Variants in GALNT17 observed in about 807,000 individuals in gnomAD.
GALNT17 encodes the protein UDP-GalNAc:polypeptide N-acetylgalactosaminyltransferase-like 3.
A neutral mutation model predicts 63.7 loss-of-function variants in GALNT17; 29 were observed. That is an observed-to-expected ratio of 0.46 (90% confidence interval 0.34 to 0.62). The LOEUF (loss-of-function observed/expected upper bound fraction) is 0.62, where lower values mean the gene tolerates loss of function less well. Ranked by LOEUF, GALNT17 falls within the 20% of genes least tolerant of loss-of-function variation. GALNT17 has a pLI of 0.01. For missense variants in GALNT17, 603 were observed against 799.6 expected, an observed-to-expected ratio of 0.75 and a Z score of 2.97; for synonymous variants, 305 against 318.3, an observed-to-expected ratio of 0.96 and a Z score of 0.45.
chr7:71,181,253 T>TAAAAAAAAA (rs34436643), intron 1 of GALNT17, among the ~76,000 whole-genome samples: 2 of 135,024 alleles, frequency 1.5e-5, no homozygotes, highest in East Asian at 4.2e-4. Context: ...AGACTCGTCT[T>TAAAAAAAAA]AAAAAAAAAA....
At chr7:71,315,985 G>A (rs1170966940) in intron 1 of GALNT17, among the ~76,000 whole-genome samples, 2 of 152,126 alleles carry the variant, frequency 1.3e-5, no homozygotes, top group Non-Finnish European at 2.9e-5. Flanking sequence ...TACGGTGAGA[G>A]GGCCATATGA....
At chr7:71,701,879 A>ATGTG (rs1418961158) in intron 9 of GALNT17, among the ~76,000 whole-genome samples, 15 of 82,074 alleles carry the variant, frequency 1.8e-4, no homozygotes, top group South Asian at 3.7e-4. Flanking sequence ...ACATATATAT[A>ATGTG]TGTATATATA....
intron 5 of GALNT17, among the ~76,000 whole-genome samples, chr7:71,550,037 A>C (rs1422969961): frequency 6.6e-6 from 1 of 151,870 alleles, no homozygotes; most frequent in Non-Finnish European, 1.5e-5. Flanking sequence ...CAAAATAACT[A>C]CTAGCTCAGA....
At chr7:71,258,299 A>T (rs1375641782) in intron 1 of GALNT17, among the ~76,000 whole-genome samples, 5 of 152,238 alleles carry the variant, frequency 3.3e-5, no homozygotes, top group African/African-American at 1.2e-4. Flanking sequence ...TGCACTCAGT[A>T]TTCCCTAAGT....
chr7:71,544,965 AAATT>A (rs1418345551), intron 5 of GALNT17, among the ~76,000 whole-genome samples: 1 of 152,088 alleles, frequency 6.6e-6, no homozygotes, highest in Non-Finnish European at 1.5e-5. Context: ...CTTTCTTTAC[AAATT>A]ATTTGAATGT....
chr7:71,626,933 C>T (rs556220296), intron 6 of GALNT17, among the ~76,000 whole-genome samples: 9 of 152,262 alleles, frequency 5.9e-5, no homozygotes, highest in African/African-American at 1.4e-4. Flanking sequence ...CAGGACTGGG[C>T]GCCCCAGGAA....
intron 2 of GALNT17, among the ~76,000 whole-genome samples, chr7:71,387,134 G>A (rs887934573): frequency 5.9e-5 from 9 of 151,888 alleles, no homozygotes; most frequent in African/African-American, 2.2e-4. Context: ...TAATCCTGCT[G>A]CGGAAATTTA....
At chr7:71,694,112 CAA>C (rs781153047) in intron 9 of GALNT17, among the ~76,000 whole-genome samples, 5 of 152,038 alleles carry the variant, frequency 3.3e-5, no homozygotes, top group Non-Finnish European at 7.4e-5. Flanking sequence ...TGGTGGCAGA[CAA>C]GAGAAGAGAA....
chr7:71,471,265 A>G (rs116786898), intron 5 of GALNT17, among the ~76,000 whole-genome samples: 1 of 151,840 alleles, frequency 6.6e-6, no homozygotes, highest in African/African-American at 2.4e-5. Flanking sequence ...GTCGTAGAGA[A>G]AGGGTTTCCC....
chr7:71,376,512 A>C (rs1792731029), intron 2 of GALNT17, among the ~76,000 whole-genome samples: 1 of 141,716 alleles, frequency 7.1e-6, no homozygotes, highest in Non-Finnish European at 1.5e-5. Flanking sequence ...TACTGAACTG[A>C]GAATCTGAAG....
intron 6 of GALNT17, among the ~76,000 whole-genome samples, chr7:71,641,676 G>A (rs184413327): frequency 2.1e-4 from 32 of 152,094 alleles, no homozygotes; most frequent in Admixed American, 1.8e-3. Context: ...TCCTGTCACC[G>A]AGAGGGTCAG....
chr7:71,545,325 C>T (rs1283887997), intron 5 of GALNT17, among the ~76,000 whole-genome samples: 1 of 151,902 alleles, frequency 6.6e-6, no homozygotes, highest in Non-Finnish European at 1.5e-5. Context: ...GGTTTTTACT[C>T]GTTTTGTTGT....
chr7:71,231,014 A>G (rs7805734), intron 1 of GALNT17, among the ~76,000 whole-genome samples: 28,838 of 152,016 alleles, frequency 0.19, 6,024 homozygotes, highest in African/African-American at 0.52. Flanking sequence ...AAATTTGAGA[A>G]CCTTAGACTT....
At position 71,521,465 on chromosome 7, in the gene GALNT17, G is replaced by T. The variant is rs542548916; in HGVS notation, c.963-49820G>T. 3.4e-4 allele frequency among the ~76,000 whole-genome samples: 52 copies of T among 152,174 alleles called. 1 individual carries two copies. Among genetic ancestry groups the T allele is most frequent in the Non-Finnish European group, 8.8e-5 (6 of 68,040 alleles). On this transcript the variant is annotated intron_variant, in intron 5 of 10. Coordinates refer to ENST00000333538, the MANE Select transcript of GALNT17 (RefSeq NM_022479.3). ...ATTTGCAGAACCTGCCTGGAGACAC[G>T]TCTTTGTATTAACTATTGCAATTCA...
chr7:71,244,710 A>G (rs966607184), intron 1 of GALNT17, among the ~76,000 whole-genome samples: 2 of 152,150 alleles, frequency 1.3e-5, no homozygotes, highest in African/African-American at 2.4e-5. Context: ...CATGCTTGCA[A>G]CACTGAGGTG....
At chr7:71,702,917 G>A (rs1481278035) in intron 9 of GALNT17, among the ~76,000 whole-genome samples, 1 of 152,160 alleles carries the variant, frequency 6.6e-6, no homozygotes, top group East Asian at 1.9e-4. Flanking sequence ...GGGTGATGGT[G>A]GTTACACAAG....
At chr7:71,301,384 A>G (rs1776318289) in intron 1 of GALNT17, among the ~76,000 whole-genome samples, 1 of 147,484 alleles carries the variant, frequency 6.8e-6, no homozygotes, top group Non-Finnish European at 1.5e-5. Context: ...TATATATAAT[A>G]ATATATAATA....
intron 1 of GALNT17, among the ~76,000 whole-genome samples, chr7:71,229,743 A>T (rs549036527): frequency 6.6e-6 from 1 of 152,190 alleles, no homozygotes; most frequent in Non-Finnish European, 1.5e-5. Context: ...GGCCAGCCCT[A>T]GTCCCATCTG....
chr7:71,260,330 C>G (rs1790363488), intron 1 of GALNT17, among the ~76,000 whole-genome samples: 1 of 152,184 alleles, frequency 6.6e-6, no homozygotes, highest in Admixed American at 6.5e-5. Context: ...TATAATTCTG[C>G]CATTCTCCCT....
Sources: gnomAD v4.1 joint callset for allele counts (sites outside exome capture counted in the v4.1 genomes callset) on GRCh38, gnomAD v4.1.1 for gene constraint, MANE v1.5 for transcripts, NCBI Gene and HGNC (gene_info 2026-07-23, HGNC 2026-07-21) for gene names.